The following HS6ST3 variants were observed in gnomAD, a reference collection of about 807,000 sequenced individuals.
The protein encoded by HS6ST3 is heparan sulfate 6-O-sulfotransferase 3, also known as heparan-sulfate 6-O-sulfotransferase 3.
In HS6ST3, 12 loss-of-function variants were observed where a neutral mutation model predicts 36.7. The ratio of observed to expected loss-of-function variants is 0.33; its 90% CI spans 0.21 to 0.53. The LOEUF is 0.53. Ranked by LOEUF, HS6ST3 falls within the 20% of genes least tolerant of loss-of-function variation. The pLI, the probability that HS6ST3 is intolerant of heterozygous loss-of-function variation, is 0.95. For missense variants in HS6ST3, 584 were observed against 640.9 expected (o/e 0.91, Z 0.96); for synonymous variants, 240 against 257.5 (o/e 0.93, Z 0.65).
chr13:96,740,722 A>T (rs1354814692), intron 1 of HS6ST3, among the ~76,000 whole-genome samples: 3 of 152,154 alleles, frequency 2.0e-5, no homozygotes, highest in Admixed American at 2.0e-4. Flanking sequence ...TTTTAAGAGA[A>T]TTCATGAAAG....
At chr13:96,147,998 C>T (rs2054066341) in intron 1 of HS6ST3, among the ~76,000 whole-genome samples, 1 of 152,166 alleles carries the variant, frequency 6.6e-6, no homozygotes, top group Non-Finnish European at 1.5e-5. Flanking sequence ...TCACCACCAC[C>T]ACTGTGACTG....
intron 1 of HS6ST3, among the ~76,000 whole-genome samples, chr13:96,448,002 G>A (rs1469044309): frequency 6.6e-6 from 1 of 152,176 alleles, no homozygotes; most frequent in Non-Finnish European, 1.5e-5. Context: ...CATTATTATA[G>A]TCTGAGGAGA....
chr13:96,376,896 A>G (rs2055317809), intron 1 of HS6ST3, among the ~76,000 whole-genome samples: 2 of 151,988 alleles, frequency 1.3e-5, no homozygotes, highest in East Asian at 1.9e-4. Context: ...CTGGAGGATC[A>G]CTTGAGGCCA....
intron 1 of HS6ST3, among the ~76,000 whole-genome samples, chr13:96,531,355 A>T (rs2056134769): frequency 6.6e-6 from 1 of 152,210 alleles, no homozygotes; most frequent in Admixed American, 6.5e-5. Context: ...TATTTTACAG[A>T]TGTTCATTTA....
chr13:96,513,759 A>G (rs11616450), intron 1 of HS6ST3, among the ~76,000 whole-genome samples: 8,939 of 152,140 alleles, frequency 0.059, 310 homozygotes, highest in Middle Eastern at 0.088. Flanking sequence ...CATAGAGTGT[A>G]CTTACACAAA....
chr13:96,092,433 A>G (rs1490477083), intron 1 of HS6ST3, among the ~76,000 whole-genome samples: 1 of 152,228 alleles, frequency 6.6e-6, no homozygotes, highest in African/African-American at 2.4e-5. Context: ...TTAATAGCCA[A>G]TGAAACTGCT....
At chr13:96,597,150 G>A (rs1196261856) in intron 1 of HS6ST3, among the ~76,000 whole-genome samples, 2 of 152,064 alleles carry the variant, frequency 1.3e-5, no homozygotes, top group African/African-American at 4.8e-5. Context: ...AGAATACATG[G>A]ACACAAAGAG....
chr13:96,470,313 C>G (rs536742048), intron 1 of HS6ST3, among the ~76,000 whole-genome samples: 3 of 152,216 alleles, frequency 2.0e-5, no homozygotes, highest in Admixed American at 6.5e-5. Flanking sequence ...GATGGCAAAG[C>G]ATTTCCCCCT....
intron 1 of HS6ST3, among the ~76,000 whole-genome samples, chr13:96,453,047 C>T (rs2055736051): frequency 1.3e-5 from 2 of 151,870 alleles, no homozygotes; most frequent in Non-Finnish European, 2.9e-5. Flanking sequence ...ATGCGGAGTA[C>T]CCTAGGTAGA....
rs774523395 is a variant in HS6ST3, at chr13:96,100,695, A to G, written c.707+9126A>G. Reference sequence around the variant, plus strand: ...TCCTCCCACCTGTCCATTTCCTCCTATTGTCTTCCAGAGTGAATCCACTTA... The same window carrying G: ...TCCTCCCACCTGTCCATTTCCTCCTGTTGTCTTCCAGAGTGAATCCACTTA... On this transcript the variant is annotated intron_variant, in intron 1 of 1. Coordinates refer to ENST00000376705, the MANE Select transcript of HS6ST3 (RefSeq NM_153456.4). Among the ~76,000 whole-genome samples the G allele has an allele frequency of 2.6e-5, 4 of 152,292 alleles. No individual in the cohort carries two copies. In the South Asian group the frequency reaches 8.3e-4, roughly 32 times the overall value.
At position 96,814,839 on chromosome 13, in the gene HS6ST3, G is replaced by T. The variant is rs565578951; in HGVS notation, c.708-17651G>T. 6.6e-4 allele frequency among the ~76,000 whole-genome samples: 101 copies of T among 151,990 alleles called. No individual in the cohort carries two copies. The South Asian group carries it at 0.02, about 31-fold the overall frequency. On this transcript the variant is annotated intron_variant, in intron 1 of 1. Coordinates refer to ENST00000376705, the MANE Select transcript of HS6ST3 (RefSeq NM_153456.4). Reference sequence around the variant, plus strand: ...ACTTCTACTTTTTTTCTCCTGTTCTGTTGTGGTTTAATAGATCACATAATG... The same window carrying T: ...ACTTCTACTTTTTTTCTCCTGTTCTTTTGTGGTTTAATAGATCACATAATG...
At chr13:96,499,328 G>C (rs1190702783) in intron 1 of HS6ST3, among the ~76,000 whole-genome samples, 3 of 152,100 alleles carry the variant, frequency 2.0e-5, no homozygotes, top group Admixed American at 6.6e-5. Flanking sequence ...GCCTGGCCCT[G>C]TTCACACATT....
intron 1 of HS6ST3, among the ~76,000 whole-genome samples, chr13:96,615,149 A>G (rs1456643928): frequency 6.6e-6 from 1 of 152,192 alleles, no homozygotes; most frequent in Non-Finnish European, 1.5e-5. Context: ...TATTAATGGA[A>G]TGAAAAAAAC....
intron 1 of HS6ST3, among the ~76,000 whole-genome samples, chr13:96,443,101 C>T (rs543297757): frequency 6.6e-6 from 1 of 151,444 alleles, no homozygotes; most frequent in South Asian, 2.1e-4. Context: ...TAATTTTGAT[C>T]AATATTTATA....
intron 1 of HS6ST3, among the ~76,000 whole-genome samples, chr13:96,569,149 G>A (rs867940706): frequency 1.3e-5 from 2 of 152,102 alleles, no homozygotes; most frequent in African/African-American, 2.4e-5. Flanking sequence ...TCTTTTCATT[G>A]TGTCACTAAT....
chr13:96,663,325 C>A (rs575299174), intron 1 of HS6ST3, among the ~76,000 whole-genome samples: 2 of 152,150 alleles, frequency 1.3e-5, no homozygotes, highest in Non-Finnish European at 2.9e-5. Flanking sequence ...TTCTCTCCCA[C>A]AGTTCTCCAT....
At chr13:96,313,131 A>T (rs746913815) in intron 1 of HS6ST3, among the ~76,000 whole-genome samples, 11 of 151,912 alleles carry the variant, frequency 7.2e-5, no homozygotes, top group Non-Finnish European at 1.3e-4. Flanking sequence ...GACTATTTCC[A>T]TCTAGGTTAC....
chr13:96,284,386 C>G (rs2054790326), intron 1 of HS6ST3, among the ~76,000 whole-genome samples: 1 of 152,128 alleles, frequency 6.6e-6, no homozygotes, highest in East Asian at 1.9e-4. Context: ...CAGTCTGTGG[C>G]CAAAGGTCCA....
chr13:96,512,154 G>C (rs2056052554), intron 1 of HS6ST3, among the ~76,000 whole-genome samples: 1 of 152,190 alleles, frequency 6.6e-6, no homozygotes, highest in African/African-American at 2.4e-5. Context: ...AACAGGAGTG[G>C]TGAAAGTAGG....
Sources: gnomAD v4.1 joint callset for allele counts (sites outside exome capture counted in the v4.1 genomes callset) on GRCh38, gnomAD v4.1.1 for gene constraint, MANE v1.5 for transcripts, NCBI Gene and HGNC (gene_info 2026-07-23, HGNC 2026-07-21) for gene names.